The following SLC25A28 variants were observed in gnomAD, a reference collection of about 807,000 sequenced individuals.
SLC25A28 encodes mitoferrin-2.
Under a neutral mutation model 31.9 loss-of-function variants are expected in SLC25A28, and 10 were observed. That is an observed-to-expected ratio of 0.31 (90% CI 0.19 to 0.53). SLC25A28 has a LOEUF of 0.53. Among genes scored for constraint, SLC25A28 ranks in the 20% least tolerant of loss-of-function variants. The pLI, the probability that SLC25A28 is intolerant of heterozygous loss-of-function variation, is 0.95. For missense variants in SLC25A28, 256 were observed against 490.3 expected, an observed-to-expected ratio of 0.52 and a Z score of 4.51; for synonymous variants, 208 against 203.6, an observed-to-expected ratio of 1.02 and a Z score of -0.19.
At chr10:99,617,285 T>C (rs2034680659) in intron 1 of SLC25A28, 1 of 985,206 alleles carries the variant, frequency 1.0e-6, no homozygotes, top group Non-Finnish European at 1.2e-6. Flanking sequence ...GCCATGGAAA[T>C]AGCTGGTTGA....
the SLC25A28 span, among the ~76,000 whole-genome samples, chr10:99,630,467 A>C: frequency 1.3e-5 from 2 of 152,066 alleles, no homozygotes; most frequent in African/African-American, 4.8e-5. Flanking sequence ...ATAGGCCTAA[A>C]AATCATCTTC....
At chr10:99,617,942 T>A (rs746832054) in intron 1 of SLC25A28, 11 of 310,850 alleles carry the variant, frequency 3.5e-5, no homozygotes, top group Non-Finnish European at 4.7e-5. Context: ...TGCAAAACCT[T>A]TCTGGAACTT....
chr10:99,631,895 T>TA, the SLC25A28 span, among the ~76,000 whole-genome samples: 3 of 111,674 alleles, frequency 2.7e-5, no homozygotes, highest in South Asian at 3.5e-4. Flanking sequence ...TTTTTTATTT[T>TA]TTTTTTTTTT....
At chr10:99,627,411 C>A in the SLC25A28 span, among the ~76,000 whole-genome samples, 1 of 150,294 alleles carries the variant, frequency 6.7e-6, no homozygotes, top group African/African-American at 2.5e-5. Context: ...CAATTACACT[C>A]TTTATTTATG....
the SLC25A28 span, among the ~76,000 whole-genome samples, chr10:99,658,194 T>A: frequency 2.0e-5 from 3 of 151,968 alleles, no homozygotes; most frequent in African/African-American, 7.3e-5. Flanking sequence ...TGTAGGTAAT[T>A]AAGTAAGTAA....
the SLC25A28 span, among the ~76,000 whole-genome samples, chr10:99,642,358 GCTCT>G: frequency 2.0e-5 from 3 of 151,974 alleles, no homozygotes; most frequent in African/African-American, 7.3e-5. Context: ...TCATGATTTG[GCTCT>G]CTGCTTGTCT....
upstream of SLC25A28, among the ~76,000 whole-genome samples, chr10:99,624,049 C>T (rs1364945058): frequency 6.6e-6 from 1 of 151,168 alleles, no homozygotes; most frequent in Non-Finnish European, 1.5e-5. Context: ...TCCCTCCCTC[C>T]TCCCTCCCTT....
chr10:99,636,401 A>C, the SLC25A28 span, among the ~76,000 whole-genome samples: 1 of 152,254 alleles, frequency 6.6e-6, no homozygotes, highest in Non-Finnish European at 1.5e-5. Context: ...TGGAAATTTA[A>C]AAATTCTTCA....
the SLC25A28 span, among the ~76,000 whole-genome samples, chr10:99,628,309 T>C: frequency 3.3e-5 from 5 of 152,230 alleles, no homozygotes; most frequent in African/African-American, 4.8e-5. Flanking sequence ...AATTTTATAT[T>C]TTGCATTACT....
chr10:99,612,189 A>G (rs546847259), intron 3 of SLC25A28, among the ~76,000 whole-genome samples: 2 of 152,284 alleles, frequency 1.3e-5, no homozygotes, highest in East Asian at 1.9e-4. Flanking sequence ...CCTGCAAATC[A>G]TAAGGGGGAA....
At chr10:99,631,878 A>ATTTTTTGTTTTTT in the SLC25A28 span, among the ~76,000 whole-genome samples, 1 of 92,902 alleles carries the variant, frequency 1.1e-5, no homozygotes, top group Non-Finnish European at 2.0e-5. Context: ...TCAGTATGTT[A>ATTTTTTGTTTTTT]TTTTTTTTTT....
chr10:99,616,062 A>T (rs1412326), intron 1 of SLC25A28: 1 of 985,114 alleles, frequency 1.0e-6, no homozygotes, highest in South Asian at 4.7e-5. Context: ...TATAAAAATG[A>T]ATATGGCTCC....
At chr10:99,643,664 T>C in the SLC25A28 span, among the ~76,000 whole-genome samples, 1 of 152,198 alleles carries the variant, frequency 6.6e-6, no homozygotes, top group African/African-American at 2.4e-5. Context: ...TGTTAGGGTA[T>C]GAATTTTAGA....
the SLC25A28 span, among the ~76,000 whole-genome samples, chr10:99,644,570 G>C: frequency 5.9e-5 from 9 of 152,112 alleles, no homozygotes; most frequent in Non-Finnish European, 1.2e-4. Flanking sequence ...GGTTAATATT[G>C]TTATGTGTGA....
chr10:99,624,541 T>A (rs1233329200), upstream of SLC25A28, among the ~76,000 whole-genome samples: 1 of 152,106 alleles, frequency 6.6e-6, no homozygotes, highest in Non-Finnish European at 1.5e-5. Context: ...TAAAAAATTA[T>A]AAAAGTAAGC....
chr10:99,616,446 C>A, intron 1 of SLC25A28: 1 of 977,466 alleles, frequency 1.0e-6, no homozygotes, highest in Non-Finnish European at 1.2e-6. Flanking sequence ...TTATTGTATT[C>A]AAAATGATTC....
the SLC25A28 span, among the ~76,000 whole-genome samples, chr10:99,630,886 TA>T: frequency 1.3e-5 from 2 of 152,150 alleles, no homozygotes; most frequent in African/African-American, 2.4e-5. Flanking sequence ...TAACTTAGCC[TA>T]GGGGGTTATG....
chr10:99,654,185 G>A, the SLC25A28 span, among the ~76,000 whole-genome samples: 2 of 152,230 alleles, frequency 1.3e-5, no homozygotes, highest in African/African-American at 2.4e-5. Context: ...TTGGGGGCTA[G>A]ATAATATCAG....
chr10:99,653,796 G>A, the SLC25A28 span: 1 of 152,298 alleles, frequency 6.6e-6, no homozygotes, highest in Admixed American at 6.5e-5. Context: ...TTAAGCCCAA[G>A]GGATTCCATC....
Sources: allele counts gnomAD v4.1 joint callset (sites outside exome capture counted in the v4.1 genomes callset), GRCh38; gene constraint gnomAD v4.1.1; transcripts MANE v1.5; gene names NCBI Gene and HGNC (gene_info 2026-07-23, HGNC 2026-07-21).